GATA2: variants seen among roughly 807,000 people sequenced by gnomAD.
GATA2 encodes GATA binding protein 2, also known as endothelial transcription factor GATA-2.
In GATA2, 6 loss-of-function variants were observed where a neutral mutation model predicts 35.7. The observed-to-expected ratio is 0.17, with a 90% confidence interval of 0.09 to 0.33. GATA2 has a LOEUF of 0.33. Ranked by LOEUF, GATA2 falls within the 10% of genes least tolerant of loss-of-function variation. The probability of loss-of-function intolerance (pLI) is 1.00; values close to 1 mark genes in which losing one functional copy is unlikely to be tolerated. For synonymous variants in GATA2, 313 were observed against 274.9 expected (o/e 1.14, Z -1.37); for missense variants, 541 against 656.6 (o/e 0.82, Z 1.92).
Position 128,486,861 on chromosome 3 carries a change from G to A in GATA2, c.171C>T (p.Asn57=), listed in dbSNP as rs2068708105. 1.2e-6 allele frequency: 2 copies of A among 1,612,478 alleles called. No homozygotes were observed. Among genetic ancestry groups the A allele is most frequent in the Non-Finnish European group, 1.7e-6 (2 of 1,179,526 alleles). The change falls in exon 2 of 6, where the codon AAC becomes AAT. Residue 57 remains asparagine, a synonymous_variant. Transcript: ENST00000341105. ...CGTGAGCGGGGTTGGCATAGTAGGGGTTGCCCTGCGAGTCGAGGTGATTGA... is the reference window on the plus strand; with the variant it reads ...CGTGAGCGGGGTTGGCATAGTAGGGATTGCCCTGCGAGTCGAGGTGATTGA... The part of the protein sequence containing the change: ...VFFNHLDSQG[N]PYYANPAHAR...
At chr3:128,481,795 G>A in intron 5 of GATA2, 24 bp downstream of exon 5, 1 of 1,607,652 alleles carries the variant, frequency 6.2e-7, no homozygotes, top group Non-Finnish European at 8.5e-7. Context: ...GAGGGGCGGG[G>A]TGGCCGGGGC....
chr3:128,481,995 C>T (rs763998854), intron 4 of GATA2, 51 bp from the exon 5 acceptor site: 5 of 1,604,942 alleles, frequency 3.1e-6, no homozygotes, highest in Non-Finnish European at 4.2e-6. Flanking sequence ...CCCACCTCGA[C>T]CCCCCTCCCT....
intron 1 of GATA2, among the ~76,000 whole-genome samples, chr3:128,491,573 A>G (rs1277738896): frequency 6.6e-6 from 1 of 151,582 alleles, no homozygotes; most frequent in Non-Finnish European, 1.5e-5. Flanking sequence ...CAAGGGGGGG[A>G]CTACTGCTAT....
chr3:128,491,570 G>A (rs1290392091), intron 1 of GATA2, among the ~76,000 whole-genome samples: 2 of 152,334 alleles, frequency 1.3e-5, no homozygotes, highest in South Asian at 4.1e-4. Flanking sequence ...TCCCAAGGGG[G>A]GGACTACTGC....
At position 128,486,319 on chromosome 3, in the gene GATA2, C is replaced by T. The variant is rs142993548; in HGVS notation, c.279G>A (p.Pro93=). 1.4e-4 allele frequency: 222 copies of T among 1,598,488 alleles called. No individual in the cohort carries two copies. The African/African-American group carries it at 1.5e-3, about 11-fold the overall frequency. ...QMCRPHLLHS[P]GLPWLDGGKA... is the part of the protein sequence containing the mutation. ...TGCCCCCGTCCAGCCAGGGCAAACC[C>T]GGGCTGTGCAACAAGTGTGGGCGGC... Residue 93 remains proline, a synonymous_variant, in exon 3 of 6, where the codon CCG becomes CCA. Coordinates refer to ENST00000341105, the MANE Select transcript of GATA2 (RefSeq NM_032638.5).
In GATA2 at chr3:128,481,951, G is replaced by A. The variant is rs1314052041; in HGVS notation, c.1018-7C>T. ...CGGCTCTTCTGGCGGCCGACTGGGA[G>A]GGCAAGGCAGCGTCAGCAGGCTGGA... On this transcript the variant is annotated splice_region_variant and splice_polypyrimidine_tract_variant and intron_variant, in intron 4 of 5. Coordinates refer to ENST00000341105, the MANE Select transcript of GATA2 (RefSeq NM_032638.5). 3 of 1,612,928 alleles carry A rather than the reference G, an allele frequency of 1.9e-6. No individual in the cohort carries two copies. Among genetic ancestry groups the A allele is most frequent in the Admixed American group, 1.7e-5 (1 of 60,016 alleles).
In GATA2 at chr3:128,481,873, G is replaced by A. The variant is rs753914237; in HGVS notation, c.1089C>T (p.Asn363=). The change falls in exon 5 of 6, where the codon AAC becomes AAT. Residue 363 remains asparagine (N), a synonymous_variant. Transcript: ENST00000341105. The part of the protein sequence containing the change: ...QTTTTTLWRR[N]ANGDPVCNAC... ...CGTTGCAGACAGGGTCCCCGTTGGC[G>A]TTTCGGCGCCATAAGGTGGTGGTTG... 5 of 1,613,974 alleles carry A rather than the reference G, an allele frequency of 3.1e-6. No homozygotes were observed. Among genetic ancestry groups the A allele is most frequent in the Admixed American group, 1.7e-5 (1 of 60,008 alleles).
At position 128,486,235 on chromosome 3, in the gene GATA2, G is replaced by A. The variant is rs1352824690; in HGVS notation, c.363C>T (p.Phe121=). Residue 121 remains phenylalanine, a synonymous_variant, in exon 3 of 6, where the codon TTC becomes TTT. Coordinates refer to ENST00000341105, the MANE Select transcript of GATA2 (RefSeq NM_032638.5). ...CTGAGGGGTGCAGTGGCGTCTTGGAGAAGGGGCTCACGGTCCAGGGGTTGT... is the reference window on the plus strand; with the variant it reads ...CTGAGGGGTGCAGTGGCGTCTTGGAAAAGGGGCTCACGGTCCAGGGGTTGT... ...HHHNPWTVSP[F]SKTPLHPSAA... 11 of 1,563,000 alleles carry A rather than the reference G, an allele frequency of 7.0e-6. No homozygotes were observed. The Admixed American group carries it at 9.7e-5, about 14-fold the overall frequency.
chr3:128,484,906 G>A (rs2068675464), intron 3 of GATA2, among the ~76,000 whole-genome samples: 1 of 152,170 alleles, frequency 6.6e-6, no homozygotes, highest in South Asian at 2.1e-4. Context: ...GGCAAGAGAA[G>A]GTGGTTCCTG....
chr3:128,484,318 T>G (rs891373020), intron 3 of GATA2, among the ~76,000 whole-genome samples: 44 of 152,138 alleles, frequency 2.9e-4, no homozygotes, highest in African/African-American at 1.0e-3. Context: ...GGGTATTTAC[T>G]GCAAACTTTG....
chr3:128,489,254 T>G (rs995008150), intron 1 of GATA2: 5 of 152,174 alleles, frequency 3.3e-5, no homozygotes, highest in African/African-American at 1.2e-4. Context: ...CTCGGTCCCC[T>G]CGGCTCCGGG....
intron 3 of GATA2, 67 bp downstream of exon 3, chr3:128,485,660 C>T: frequency 6.4e-7 from 1 of 1,562,368 alleles, no homozygotes; most frequent in Non-Finnish European, 8.7e-7. Context: ...TCTCCCAAGT[C>T]ACAGCTCCCC....
rs370166358 is a variant in GATA2 at position 128,481,942 on chromosome 3, C to T, written c.1020G>A (p.Ser340=). Reference sequence around the variant, plus strand: ...AACAGGTGCCGGCTCTTCTGGCGGCCGACTGGGAGGGCAAGGCAGCGTCAG... The same window carrying T: ...AACAGGTGCCGGCTCTTCTGGCGGCTGACTGGGAGGGCAAGGCAGCGTCAG... ...RPLIKPKRRL[S]AARRAGTCCA... Residue 340 remains serine (S), a splice_region_variant and synonymous_variant, in exon 5 of 6, where the codon TCG becomes TCA. Transcript: ENST00000341105. 24 of 1,613,374 alleles carry T rather than the reference C, an allele frequency of 1.5e-5. No homozygotes were observed. In the Admixed American group the frequency reaches 1.5e-4, roughly 10 times the overall value.
chr3:128,480,862 AG>A lies in GATA2; in HGVS notation c.*156del. On this transcript the variant is annotated 3_prime_UTR_variant, in exon 6 of 6. Coordinates refer to ENST00000341105, the MANE Select transcript of GATA2 (RefSeq NM_032638.5). ...CCTCTCAGCGGTGGGGAACATTCAC[AG>A]TAACTGCTGGCAGGCTGCTGGGCGC... 3 of 801,866 alleles carry A rather than the reference AG, an allele frequency of 3.7e-6. No homozygotes were observed. Among genetic ancestry groups the A allele is most frequent in the Non-Finnish European group, 5.8e-6 (3 of 516,580 alleles). 49.7% of individuals were successfully genotyped at this position (801,866 alleles called of 1,614,324 possible).
chr3:128,481,376 C>T (rs548395566), intron 5 of GATA2, 58 bp from the exon 6 acceptor site: 3 of 1,565,740 alleles, frequency 1.9e-6, no homozygotes, highest in South Asian at 2.2e-5. Context: ...ACATTCCTCC[C>T]ACCCCGCCAC....
At chr3:128,491,798 A>G (rs996972741) in intron 1 of GATA2, among the ~76,000 whole-genome samples, 34 of 151,402 alleles carry the variant, frequency 2.2e-4, no homozygotes, top group African/African-American at 5.8e-4. Context: ...CAAGCCTGGC[A>G]GGCTCCCCGC....
chr3:128,485,776 C>G lies in GATA2; in HGVS notation c.822G>C (p.Pro274=), dbSNP rs772881173. Residue 274 remains proline (P), a synonymous_variant, in exon 3 of 6, where the codon CCG becomes CCC. Coordinates refer to ENST00000341105, the MANE Select transcript of GATA2 (RefSeq NM_032638.5). ...LFHPGGFLGG[P]ASSFTPKQRS... ...GCTGCTTAGGGGTGAAGCTGGAGGC[C>G]GGTCCCCCCAGGAAGCCTCCGGGGT... is the stretch of plus-strand genomic sequence containing the variant. 3.7e-6 allele frequency: 6 copies of G among 1,613,952 alleles called. No homozygotes were observed. The South Asian group carries it at 6.6e-5, about 18-fold the overall frequency.
At chr3:128,491,367 G>A (rs1333641113) in intron 1 of GATA2, among the ~76,000 whole-genome samples, 1 of 152,190 alleles carries the variant, frequency 6.6e-6, no homozygotes, top group Non-Finnish European at 1.5e-5. Context: ...GGGGTGTCAA[G>A]GAAACCCATT....
At position 128,488,711 on chromosome 3, in the gene GATA2, G is replaced by A. The variant is rs765938940; in HGVS notation, c.-45-1635C>T. 1.3e-5 allele frequency among the ~76,000 whole-genome samples: 2 copies of A among 152,082 alleles called. No homozygotes were observed. ...GTGGCATTTTTTTTCCTCCGGGGGGGGTCCCCGAGGTGGCCTCTGGTGAGG... is the reference window on the plus strand; with the variant it reads ...GTGGCATTTTTTTTCCTCCGGGGGGAGTCCCCGAGGTGGCCTCTGGTGAGG... On this transcript the variant is annotated intron_variant, in intron 1 of 5. Coordinates refer to ENST00000341105, the MANE Select transcript of GATA2 (RefSeq NM_032638.5). The surrounding 1 kb of genome is among the most constrained non-coding windows in gnomAD (Gnocchi z 5.8).
Sources: gnomAD v4.1 joint callset for allele counts (sites outside exome capture counted in the v4.1 genomes callset) on GRCh38, gnomAD v4.1.1 for gene constraint, Gnocchi (gnomAD v3.1) non-coding constraint, MANE v1.5 for transcripts, NCBI Gene and HGNC (gene_info 2026-07-23, HGNC 2026-07-21) for gene names.